The following CLYBL variants were observed in gnomAD, a reference collection of about 807,000 sequenced individuals.
CLYBL encodes citramalyl-CoA lyase.
A neutral mutation model predicts 38.9 loss-of-function variants in CLYBL; 31 were observed. That is an observed-to-expected ratio of 0.80 (90% CI 0.60 to 1.08). The LOEUF (loss-of-function observed/expected upper bound fraction) is 1.08, where lower values mean the gene tolerates loss of function less well. Among genes scored for constraint, CLYBL ranks in the 50% least tolerant of loss-of-function variants. The probability of loss-of-function intolerance (pLI) is 0.00; values close to 1 mark genes in which losing one functional copy is unlikely to be tolerated. For synonymous variants in CLYBL, 171 were observed against 158.6 expected (o/e 1.08, Z -0.59); for missense variants, 434 against 411.6 (o/e 1.05, Z -0.47).
At chr13:99,735,826 G>T (rs1459025498) in intron 1 of CLYBL, among the ~76,000 whole-genome samples, 1 of 151,906 alleles carries the variant, frequency 6.6e-6, no homozygotes, top group Non-Finnish European at 1.5e-5. Flanking sequence ...ACAAGACTTG[G>T]TACCTTTATC....
intron 1 of CLYBL, among the ~76,000 whole-genome samples, chr13:99,694,918 C>T (rs1469547930): frequency 6.6e-6 from 1 of 152,012 alleles, no homozygotes; most frequent in African/African-American, 2.4e-5. Flanking sequence ...GAAAGAACTC[C>T]TCAGTGGGGA....
chr13:99,767,020 C>G (rs150728798), intron 1 of CLYBL, among the ~76,000 whole-genome samples: 1 of 152,234 alleles, frequency 6.6e-6, no homozygotes, highest in African/African-American at 2.4e-5. Context: ...CAGGCACTTG[C>G]GATGCTTCCC....
At chr13:99,761,673 G>T (rs1429104891) in intron 1 of CLYBL, among the ~76,000 whole-genome samples, 2 of 152,106 alleles carry the variant, frequency 1.3e-5, no homozygotes, top group African/African-American at 4.8e-5. Context: ...CTTTCTTTTG[G>T]ATATATACTG....
At chr13:99,751,411 G>A (rs902961893) in intron 1 of CLYBL, among the ~76,000 whole-genome samples, 3 of 152,006 alleles carry the variant, frequency 2.0e-5, no homozygotes, top group African/African-American at 7.3e-5. Flanking sequence ...AGTAGAGACG[G>A]AGTTTTGCCA....
intron 2 of CLYBL, among the ~76,000 whole-genome samples, chr13:99,811,006 G>A (rs140100305): frequency 1.2e-4 from 19 of 152,154 alleles, no homozygotes; most frequent in African/African-American, 3.4e-4. Context: ...GGAGAGCCAC[G>A]TTCCGGTTCT....
At chr13:99,621,959 G>C (rs1007554689) in intron 1 of CLYBL, among the ~76,000 whole-genome samples, 3 of 152,182 alleles carry the variant, frequency 2.0e-5, no homozygotes, top group African/African-American at 7.2e-5. Context: ...GTGTTTACAG[G>C]GATGGAGAGT....
intron 2 of CLYBL, among the ~76,000 whole-genome samples, chr13:99,804,252 G>A (rs970691398): frequency 6.6e-6 from 1 of 152,212 alleles, no homozygotes; most frequent in Non-Finnish European, 1.5e-5. Flanking sequence ...CAGGAGTTTG[G>A]GCCACATGGC....
At chr13:99,685,380 C>A (rs1401400754) in intron 1 of CLYBL, among the ~76,000 whole-genome samples, 1 of 152,100 alleles carries the variant, frequency 6.6e-6, no homozygotes, top group Non-Finnish European at 1.5e-5. Context: ...TCAAGAAAAG[C>A]CAATGTTTCA....
chr13:99,808,077 TTTG>T (rs1416295024), intron 2 of CLYBL, among the ~76,000 whole-genome samples: 3 of 151,932 alleles, frequency 2.0e-5, no homozygotes, highest in Non-Finnish European at 2.9e-5. Context: ...TGTTTTTGTT[TTTG>T]TTGTTGTTTG....
At chr13:99,781,327 T>C (rs561414473) in intron 2 of CLYBL, among the ~76,000 whole-genome samples, 106 of 151,248 alleles carry the variant, frequency 7.0e-4, no homozygotes, top group Middle Eastern at 3.5e-3. Context: ...CCCACCACCA[T>C]GCCCAGCTAA....
At chr13:99,677,150 C>T (rs545469604) in intron 1 of CLYBL, among the ~76,000 whole-genome samples, 140 of 152,084 alleles carry the variant, frequency 9.2e-4, no homozygotes, top group African/African-American at 3.1e-3. Flanking sequence ...TAAGTCACCT[C>T]AAAAAGGGCA....
chr13:99,794,654 C>T (rs1480314880), intron 2 of CLYBL, among the ~76,000 whole-genome samples: 2 of 149,446 alleles, frequency 1.3e-5, no homozygotes, highest in African/African-American at 4.9e-5. Flanking sequence ...TGCAGTGGTG[C>T]TGTCTTGGCT....
At chr13:99,660,194 A>G (rs1566601948) in intron 1 of CLYBL, among the ~76,000 whole-genome samples, 1 of 152,238 alleles carries the variant, frequency 6.6e-6, no homozygotes, top group African/African-American at 2.4e-5. Context: ...TGAAGTTGTT[A>G]TGGCAACTGA....
intron 1 of CLYBL, among the ~76,000 whole-genome samples, chr13:99,609,010 T>C (rs2046581696): frequency 2.6e-5 from 4 of 151,622 alleles, no homozygotes; most frequent in Non-Finnish European, 1.5e-5. Flanking sequence ...TTTTTGGCTA[T>C]TGTTCTCTCA....
chr13:99,815,652 G>A (rs984967039), intron 2 of CLYBL, among the ~76,000 whole-genome samples: 86 of 152,302 alleles, frequency 5.6e-4, no homozygotes, highest in African/African-American at 2.0e-3. Flanking sequence ...TTGGGAGGCC[G>A]AGGCAGGCGG....
chr13:99,628,442 C>G (rs1392635807), intron 1 of CLYBL, among the ~76,000 whole-genome samples: 1 of 152,206 alleles, frequency 6.6e-6, no homozygotes, highest in Non-Finnish European at 1.5e-5. Context: ...GGAAAAGTTC[C>G]TTGTGCTTGG....
At chr13:99,749,098 T>G (rs1045299791) in intron 1 of CLYBL, among the ~76,000 whole-genome samples, 2 of 151,514 alleles carry the variant, frequency 1.3e-5, no homozygotes, top group Non-Finnish European at 2.9e-5. Flanking sequence ...GAGAATTACT[T>G]GAACCCTGGA....
At chr13:99,768,192 C>CTTTTTTTTTTTTTTTTTT (rs58499426) in intron 1 of CLYBL, among the ~76,000 whole-genome samples, 1 of 102,672 alleles carries the variant, frequency 9.7e-6, no homozygotes. Flanking sequence ...TTTTCTTTTT[C>CTTTTTTTTTTTTTTTTTT]TTTTTTTTTT....
At chr13:99,702,598 C>T (rs533841081) in intron 1 of CLYBL, among the ~76,000 whole-genome samples, 22 of 148,974 alleles carry the variant, frequency 1.5e-4, no homozygotes, top group Non-Finnish European at 2.8e-4. Context: ...CACCATGGCA[C>T]TCCAGCCTGG....
Sources: gnomAD v4.1 joint callset for allele counts (sites outside exome capture counted in the v4.1 genomes callset) on GRCh38, gnomAD v4.1.1 for gene constraint, MANE v1.5 for transcripts, NCBI Gene and HGNC (gene_info 2026-07-23, HGNC 2026-07-21) for gene names.